Variants in STAU2 observed in about 807,000 individuals in gnomAD.
STAU2 encodes the protein staufen double-stranded RNA binding protein 2, also known as double-stranded RNA-binding protein Staufen homolog 2.
In STAU2, 20 loss-of-function variants were observed where a neutral mutation model predicts 65.9. The observed-to-expected ratio is 0.30, with a 90% CI of 0.21 to 0.44. The LOEUF (loss-of-function observed/expected upper bound fraction) is 0.44. Among genes scored for constraint, STAU2 ranks in the 20% least tolerant of loss-of-function variants. STAU2 has a pLI of 1.00. For synonymous variants in STAU2, 232 were observed against 233.9 expected (o/e 0.99, Z 0.07); for missense variants, 558 against 683.9 (o/e 0.82, Z 2.05).
chr8:73,551,382 C>A (rs1807323563), intron 13 of STAU2: 4 of 986,880 alleles, frequency 4.1e-6, no homozygotes, highest in Non-Finnish European at 4.8e-6. Flanking sequence ...CTATCTGAGG[C>A]AGGTGCTACC....
At chr8:73,551,389 T>C in intron 13 of STAU2, 1 of 987,024 alleles carries the variant, frequency 1.0e-6, no homozygotes. Context: ...AGGCAGGTGC[T>C]ACCCTCCCTA....
chr8:73,488,780 C>T lies in STAU2; in HGVS notation c.1530+63232G>A, dbSNP rs1034401433. On this transcript the variant is annotated intron_variant, in intron 13 of 14. Coordinates refer to ENST00000524300, the MANE Select transcript of STAU2 (RefSeq NM_001164380.2). ...GATCTCCTGGGTCCTCAGAAGTTCA[C>T]CAATTCCAAATGTTCTCATAAGTTT... Among the ~76,000 whole-genome samples, 48 of 151,264 alleles carry T rather than the reference C, an allele frequency of 3.2e-4. 1 individual carries two copies. The highest frequency in any genetic ancestry group is 1.0e-3 in the African/African-American group (43 of 41,352).
intron 13 of STAU2, chr8:73,527,732 A>G: frequency 6.5e-7 from 1 of 1,536,752 alleles, no homozygotes; most frequent in East Asian, 2.4e-5. Flanking sequence ...ATAGCATGGA[A>G]AGTCATCTGC....
intron 6 of STAU2, among the ~76,000 whole-genome samples, chr8:73,657,479 C>T (rs1343904204): frequency 1.3e-5 from 2 of 152,072 alleles, no homozygotes; most frequent in Non-Finnish European, 2.9e-5. Context: ...AACTATAGTA[C>T]AAATGTAAAA....
chr8:73,574,329 A>G (rs1249659295), intron 12 of STAU2, among the ~76,000 whole-genome samples: 1 of 152,216 alleles, frequency 6.6e-6, no homozygotes, highest in African/African-American at 2.4e-5. Context: ...TAGTTCAACC[A>G]TTGTGCAAGA....
In STAU2 at chr8:73,445,971, C is replaced by T. The variant is rs1054893106; in HGVS notation, c.1531-23269G>A. Among the ~76,000 whole-genome samples the T allele has an allele frequency of 2.6e-5, 4 of 152,280 alleles. No individual in the cohort carries two copies. The South Asian group carries it at 6.2e-4, about 24-fold the overall frequency. On this transcript the variant is annotated intron_variant, in intron 13 of 14. Coordinates refer to ENST00000524300, the MANE Select transcript of STAU2 (RefSeq NM_001164380.2). ...TACCATACAACCTAGCTATCATACT[C>T]CTGGGCATTTATCCCAAAGAAATGA...
chr8:73,642,623 C>T (rs1331796068), intron 6 of STAU2, among the ~76,000 whole-genome samples: 1 of 152,144 alleles, frequency 6.6e-6, no homozygotes, highest in Non-Finnish European at 1.5e-5. Context: ...CCCTCTCCTG[C>T]TTTACCTCTT....
At chr8:73,657,117 C>T (rs147508358) in intron 6 of STAU2, among the ~76,000 whole-genome samples, 157 of 152,268 alleles carry the variant, frequency 1.0e-3, no homozygotes, top group African/African-American at 3.5e-3. Context: ...CAGAAGCACA[C>T]AAATACTAAG....
In STAU2 at chr8:73,573,482, A is replaced by ACG. The variant is rs559644049; in HGVS notation, c.1222+9287_1222+9288insCG. 2.8e-3 allele frequency among the ~76,000 whole-genome samples: 420 copies of ACG among 152,370 alleles called. 1 individual carries two copies. Among genetic ancestry groups the ACG allele is most frequent in the Admixed American group, 5.9e-3 (90 of 15,306 alleles). ...CCAAAAGAACAAAGCTGGAGGCATC[A>ACG]TGCTACCTGACTTCAAACTATACTA... On this transcript the variant is annotated intron_variant, in intron 12 of 14. Coordinates refer to ENST00000524300, the MANE Select transcript of STAU2 (RefSeq NM_001164380.2).
At chr8:73,422,413 G>T (rs1053839235) in intron 14 of STAU2, among the ~76,000 whole-genome samples, 12 of 152,222 alleles carry the variant, frequency 7.9e-5, no homozygotes, top group African/African-American at 2.4e-4. Context: ...CAATTAGTAG[G>T]TTAAAACTTT....
rs373148507 is a variant in STAU2 at position 73,576,831 on chromosome 8, A to C, written c.1222+5939T>G. Among the ~76,000 whole-genome samples, 9 of 152,274 alleles carry C rather than the reference A, an allele frequency of 5.9e-5. No individual in the cohort carries two copies. The South Asian group carries it at 8.3e-4, about 14-fold the overall frequency. ...TTATTTTCTCCTTATGCTTACTGTA[A>C]AGTTTCTTTGCTAACAGAGAAAAGC... is the stretch of plus-strand genomic sequence containing the variant. On this transcript the variant is annotated intron_variant, in intron 12 of 14. Coordinates refer to ENST00000524300, the MANE Select transcript of STAU2 (RefSeq NM_001164380.2).
chr8:73,610,273 TA>T (rs551711660), intron 9 of STAU2, among the ~76,000 whole-genome samples: 147 of 134,228 alleles, frequency 1.1e-3, no homozygotes, highest in East Asian at 3.5e-3. Context: ...AGACCCTGTT[TA>T]AAAAAAAAAA....
intron 10 of STAU2, among the ~76,000 whole-genome samples, chr8:73,599,469 A>G (rs1811464714): frequency 1.3e-5 from 2 of 152,196 alleles, no homozygotes; most frequent in Admixed American, 1.3e-4. Context: ...TCCATATCTG[A>G]AAAGTTGAAT....
chr8:73,532,325 G>A (rs1805875984), intron 13 of STAU2, among the ~76,000 whole-genome samples: 1 of 152,180 alleles, frequency 6.6e-6, no homozygotes, highest in Admixed American at 6.5e-5. Flanking sequence ...CTTGTGCGGG[G>A]AACGTGCACC....
In STAU2 at chr8:73,517,610, T is replaced by A. The variant is rs189634348; in HGVS notation, c.1530+34402A>T. ...CTGTTATGAAACACCAAGCTACAGA[T>A]AACTGAGGTACAGATTAAATAACCA... On this transcript the variant is annotated intron_variant, in intron 13 of 14. Coordinates refer to ENST00000524300, the MANE Select transcript of STAU2 (RefSeq NM_001164380.2). Among the ~76,000 whole-genome samples the A allele has an allele frequency of 8.6e-3, 1,303 of 152,298 alleles. 21 individuals carry two copies. Among genetic ancestry groups the A allele is most frequent in the South Asian group, 0.031 (152 of 4,832 alleles).
At position 73,637,363 on chromosome 8, in the gene STAU2, A is replaced by G. The variant is rs192544424; in HGVS notation, c.411-19912T>C. On this transcript the variant is annotated intron_variant, in intron 6 of 14. Transcript: ENST00000524300. ...TTTAACTGCTAAAAGCTAAAAAGACATATTATTTATGGGGAGCAACAATTC... is the reference window on the plus strand; with the variant it reads ...TTTAACTGCTAAAAGCTAAAAAGACGTATTATTTATGGGGAGCAACAATTC... Among the ~76,000 whole-genome samples the G allele has an allele frequency of 1.8e-4, 27 of 151,258 alleles. No homozygotes were observed. In the East Asian group the frequency reaches 5.0e-3, roughly 28 times the overall value.
At chr8:73,702,547 C>A (rs947304261) in intron 4 of STAU2, among the ~76,000 whole-genome samples, 3 of 151,790 alleles carry the variant, frequency 2.0e-5, no homozygotes, top group African/African-American at 4.8e-5. Flanking sequence ...AATATATATA[C>A]CTACTATGTA....
chr8:73,446,770 T>C (rs1304935997), intron 13 of STAU2, among the ~76,000 whole-genome samples: 1 of 151,894 alleles, frequency 6.6e-6, no homozygotes, highest in Admixed American at 6.6e-5. Flanking sequence ...CCATTGTGCC[T>C]ATTTTTAATT....
chr8:73,616,387 G>A (rs1188439836), intron 7 of STAU2, among the ~76,000 whole-genome samples: 1 of 152,156 alleles, frequency 6.6e-6, no homozygotes, highest in East Asian at 1.9e-4. Flanking sequence ...GAGCTCTCAT[G>A]AAAGAGTACA....
Sources: allele counts gnomAD v4.1 joint callset (sites outside exome capture counted in the v4.1 genomes callset), GRCh38; gene constraint gnomAD v4.1.1; transcripts MANE v1.5; gene names NCBI Gene and HGNC (gene_info 2026-07-23, HGNC 2026-07-21).